Variants in COLEC12 observed in about 807,000 individuals in gnomAD.
COLEC12 encodes collectin-12.
In COLEC12, 33 loss-of-function variants were observed where a neutral mutation model predicts 71.1. That is an observed-to-expected ratio of 0.46 (90% confidence interval 0.35 to 0.62). The LOEUF (loss-of-function observed/expected upper bound fraction) is 0.62, where lower values mean the gene tolerates loss of function less well. Ranked by LOEUF, COLEC12 falls within the 20% of genes least tolerant of loss-of-function variation. The probability of loss-of-function intolerance (pLI) is 0.00; values close to 1 mark genes in which losing one functional copy is unlikely to be tolerated. For synonymous variants in COLEC12, 350 were observed against 353.0 expected (o/e 0.99, Z 0.10); for missense variants, 765 against 916.1 (o/e 0.84, Z 2.13).
chr18:338,984 ATT>A (rs33991062), intron 5 of COLEC12, among the ~76,000 whole-genome samples: 11,059 of 143,926 alleles, frequency 0.077, 469 homozygotes, highest in African/African-American at 0.14. Context: ...TATTGTCTTA[ATT>A]TTTTTTTTTT....
chr18:348,393 T>A (rs1005622077), intron 3 of COLEC12, among the ~76,000 whole-genome samples: 10 of 152,228 alleles, frequency 6.6e-5, no homozygotes, highest in Non-Finnish European at 1.5e-5. Context: ...TCTTAACTAT[T>A]CTTATGATTC....
intron 2 of COLEC12, among the ~76,000 whole-genome samples, chr18:359,457 A>C (rs1914697275): frequency 6.6e-6 from 1 of 152,260 alleles, no homozygotes; most frequent in Non-Finnish European, 1.5e-5. Context: ...CCCTTATATT[A>C]GTTATCACAG....
chr18:397,338 T>A (rs1042210116), intron 2 of COLEC12, among the ~76,000 whole-genome samples: 10 of 152,232 alleles, frequency 6.6e-5, no homozygotes, highest in Non-Finnish European at 1.5e-4. Context: ...ATTTTATTCA[T>A]TATTTATTTG....
At chr18:353,525 T>C (rs1277614300) in intron 3 of COLEC12, among the ~76,000 whole-genome samples, 1 of 152,236 alleles carries the variant, frequency 6.6e-6, no homozygotes, top group East Asian at 1.9e-4. Flanking sequence ...AAAGAATCCC[T>C]TAAGGGGAAG....
At chr18:323,157 G>A (rs1913755010) in intron 8 of COLEC12, among the ~76,000 whole-genome samples, 1 of 152,158 alleles carries the variant, frequency 6.6e-6, no homozygotes, top group African/African-American at 2.4e-5. Flanking sequence ...TCCAGGAGGT[G>A]GAGGTTTGCA....
At chr18:426,877 G>C (rs1916208808) in intron 2 of COLEC12, among the ~76,000 whole-genome samples, 1 of 152,044 alleles carries the variant, frequency 6.6e-6, no homozygotes, top group African/African-American at 2.4e-5. Context: ...CAGTCAGGAA[G>C]GGAAGGGATC....
chr18:365,262 C>T (rs1914829781), intron 2 of COLEC12, among the ~76,000 whole-genome samples: 1 of 152,148 alleles, frequency 6.6e-6, no homozygotes, highest in Non-Finnish European at 1.5e-5. Context: ...AAATTCTGCC[C>T]TAAATAAATG....
At chr18:350,052 G>A (rs1265247204) in intron 3 of COLEC12, among the ~76,000 whole-genome samples, 1 of 152,280 alleles carries the variant, frequency 6.6e-6, no homozygotes, top group South Asian at 2.1e-4. Flanking sequence ...GGCATGATTT[G>A]TTTTGAAACG....
At chr18:385,523 C>T (rs1915327154) in intron 2 of COLEC12, among the ~76,000 whole-genome samples, 1 of 151,960 alleles carries the variant, frequency 6.6e-6, no homozygotes, top group African/African-American at 2.4e-5. Context: ...TGGGGTTTCA[C>T]CATGTTGGTT....
intron 4 of COLEC12, among the ~76,000 whole-genome samples, chr18:347,589 A>G (rs1359624275): frequency 6.6e-6 from 1 of 152,186 alleles, no homozygotes; most frequent in Non-Finnish European, 1.5e-5. Context: ...GGGAGGGGGA[A>G]TTTACTAGAT....
At chr18:383,741 G>T (rs1915284436) in intron 2 of COLEC12, among the ~76,000 whole-genome samples, 1 of 152,104 alleles carries the variant, frequency 6.6e-6, no homozygotes, top group Non-Finnish European at 1.5e-5. Flanking sequence ...AACAGTGGTT[G>T]TATTAGTCCA....
chr18:463,479 A>T (rs1209455291), intron 2 of COLEC12, among the ~76,000 whole-genome samples: 1 of 152,196 alleles, frequency 6.6e-6, no homozygotes, highest in Non-Finnish European at 1.5e-5. Flanking sequence ...AAAAATAATT[A>T]GTTGCTTAAT....
intron 1 of COLEC12, among the ~76,000 whole-genome samples, chr18:497,223 T>C (rs1373216331): frequency 2.6e-5 from 4 of 152,206 alleles, no homozygotes; most frequent in Admixed American, 2.0e-4. Flanking sequence ...TCCAAGAGCC[T>C]GGTCACTACA....
intron 8 of COLEC12, among the ~76,000 whole-genome samples, chr18:325,015 C>T (rs919363940): frequency 2.1e-4 from 32 of 151,864 alleles, no homozygotes; most frequent in African/African-American, 6.5e-4. Context: ...ACAGTGAGAC[C>T]ACCATCTCTA....
In COLEC12 at chr18:350,801, G is replaced by A. The variant is rs535612057; in HGVS notation, c.182-2638C>T. On this transcript the variant is annotated intron_variant, in intron 3 of 9. Transcript: ENST00000400256. ...AAATTAGCCGGTTGTGGTGGTACAC[G>A]CCTGTAACCTCAGCTACTTAGGAGG... 6.6e-5 allele frequency among the ~76,000 whole-genome samples: 10 copies of A among 151,952 alleles called. No homozygotes were observed. The East Asian group carries it at 9.7e-4, about 15-fold the overall frequency.
At chr18:342,296 G>GA (rs1914272824) in intron 5 of COLEC12, among the ~76,000 whole-genome samples, 1 of 152,198 alleles carries the variant, frequency 6.6e-6, no homozygotes, top group Admixed American at 6.5e-5. Flanking sequence ...AAAAAATAAG[G>GA]TTTTCTTAAC....
chr18:412,736 A>G (rs1029370077), intron 2 of COLEC12, among the ~76,000 whole-genome samples: 1 of 152,220 alleles, frequency 6.6e-6, no homozygotes, highest in African/African-American at 2.4e-5. Context: ...TAGCGAAATG[A>G]CAATAGAGGT....
At chr18:392,593 T>C (rs578112547) in intron 2 of COLEC12, among the ~76,000 whole-genome samples, 9 of 152,236 alleles carry the variant, frequency 5.9e-5, no homozygotes, top group Non-Finnish European at 1.3e-4. Flanking sequence ...TTGTCCCAGC[T>C]TTCTGGACCC....
At chr18:440,049 AT>A (rs1379588337) in intron 2 of COLEC12, among the ~76,000 whole-genome samples, 3 of 151,714 alleles carry the variant, frequency 2.0e-5, no homozygotes, top group Non-Finnish European at 2.9e-5. Context: ...AAATTCTGCT[AT>A]TTGTGACAAC....
Sources: gnomAD v4.1 joint callset for allele counts (sites outside exome capture counted in the v4.1 genomes callset) on GRCh38, gnomAD v4.1.1 for gene constraint, MANE v1.5 for transcripts, NCBI Gene and HGNC (gene_info 2026-07-23, HGNC 2026-07-21) for gene names.